Variants in DZANK1 observed in about 807,000 individuals in gnomAD.
The protein encoded by DZANK1 is double zinc ribbon and ankyrin repeat domains 1, also known as double zinc ribbon and ankyrin repeat-containing protein 1.
DZANK1 carries 91 observed loss-of-function variants against 94.5 expected under a neutral mutation model. That is an observed-to-expected ratio of 0.96 (90% CI 0.81 to 1.15). The LOEUF (loss-of-function observed/expected upper bound fraction) is 1.15, where lower values mean the gene tolerates loss of function less well. Among genes scored for constraint, DZANK1 ranks in the 50% most tolerant of loss-of-function variants. DZANK1 has a pLI of 0.00. For missense variants in DZANK1, 903 were observed against 916.4 expected, an observed-to-expected ratio of 0.99 and a Z score of 0.19; for synonymous variants, 312 against 325.3, an observed-to-expected ratio of 0.96 and a Z score of 0.44.
chr20:18,419,162 T>A (rs935640480), intron 10 of DZANK1, among the ~76,000 whole-genome samples: 1 of 149,808 alleles, frequency 6.7e-6, no homozygotes, highest in African/African-American at 2.5e-5. Flanking sequence ...CTCGGGAGGG[T>A]GAGGCAGGAG....
exon 19 of DZANK1, chr20:18,389,786 T>G: frequency 6.2e-7 from 1 of 1,614,014 alleles, no homozygotes. Context: ...GCCACGGTTA[T>G]GACGGGTCGA....
At chr20:18,388,122 C>A (rs1003844579) in intron 19 of DZANK1, among the ~76,000 whole-genome samples, 1 of 152,172 alleles carries the variant, frequency 6.6e-6, no homozygotes, top group Non-Finnish European at 1.5e-5. Flanking sequence ...CTTTCCTCTA[C>A]TGGCATGCAC....
chr20:18,435,110 G>A (rs1309696650), intron 8 of DZANK1, among the ~76,000 whole-genome samples: 3 of 152,130 alleles, frequency 2.0e-5, no homozygotes, highest in Non-Finnish European at 2.9e-5. Flanking sequence ...AAGAGAGCTC[G>A]GCATAGAGTA....
At chr20:18,384,118 G>T in exon 21 of DZANK1, 2 of 221,342 alleles carry the variant, frequency 9.0e-6, no homozygotes, top group East Asian at 1.0e-4. Flanking sequence ...GGAGTGCGAT[G>T]GCGCGATCTT....
chr20:18,430,384 T>A (rs1454442238), intron 9 of DZANK1, among the ~76,000 whole-genome samples: 1 of 152,194 alleles, frequency 6.6e-6, no homozygotes, highest in Non-Finnish European at 1.5e-5. Flanking sequence ...ACCATAAACA[T>A]GACTGAAGTC....
exon 13 of DZANK1, chr20:18,412,766 G>C: frequency 1.9e-6 from 3 of 1,613,904 alleles, no homozygotes; most frequent in Non-Finnish European, 1.7e-6. Context: ...GGGTAGAAGA[G>C]GCCAACAGTC....
At chr20:18,427,186 T>C (rs1205800714) in intron 9 of DZANK1, 27 bp from the exon 10 acceptor site, 8 of 1,567,990 alleles carry the variant, frequency 5.1e-6, no homozygotes, top group South Asian at 2.2e-5. Flanking sequence ...AAGACATACA[T>C]GTTCCTCTGA....
At chr20:18,456,200 T>G (rs1006775443) in intron 3 of DZANK1, among the ~76,000 whole-genome samples, 2 of 152,212 alleles carry the variant, frequency 1.3e-5, no homozygotes, top group African/African-American at 4.8e-5. Flanking sequence ...CTGTCTCAGC[T>G]GTAGACAGTG....
At chr20:18,444,826 A>T (rs1207379513) in intron 7 of DZANK1, among the ~76,000 whole-genome samples, 1 of 152,156 alleles carries the variant, frequency 6.6e-6, no homozygotes, top group Non-Finnish European at 1.5e-5. Context: ...TTAGAGACGG[A>T]GTCTTGCTCT....
intron 13 of DZANK1, among the ~76,000 whole-genome samples, chr20:18,405,532 G>A (rs76855478): frequency 0.028 from 4,290 of 152,164 alleles, 191 homozygotes; most frequent in African/African-American, 0.097. Context: ...AAATGGGACA[G>A]AAAAAAATAT....
At chr20:18,425,687 G>T (rs2058008457) in intron 10 of DZANK1, among the ~76,000 whole-genome samples, 1 of 152,192 alleles carries the variant, frequency 6.6e-6, no homozygotes, top group Non-Finnish European at 1.5e-5. Flanking sequence ...CTGTACAGAG[G>T]TAATCAAGTT....
chr20:18,410,204 T>C lies in DZANK1; in HGVS notation c.1432+2442A>G, dbSNP rs150654687. On this transcript the variant is annotated intron_variant, in intron 13 of 20. Coordinates refer to ENST00000262547, the Ensembl canonical transcript of DZANK1. ...TTAAAAGACATCATGTTATAACTAATAATTGTAACAGTGTTTTGAGAGTTT... is the reference window on the plus strand; with the variant it reads ...TTAAAAGACATCATGTTATAACTAACAATTGTAACAGTGTTTTGAGAGTTT... Among the ~76,000 whole-genome samples, 523 of 152,260 alleles carry C rather than the reference T, an allele frequency of 3.4e-3. 3 individuals are homozygous for C. Among genetic ancestry groups the C allele is most frequent in the African/African-American group, 5.1e-3 (211 of 41,556 alleles).
Position 18,414,959 on chromosome 20 carries a change from TAGAG to T in DZANK1, c.1077+364_1077+367del, listed in dbSNP as rs938662205. On this transcript the variant is annotated intron_variant, in intron 11 of 20. Transcript: ENST00000262547. ...CTTCTGAGAGGAGAACTGTGGGACTTAGAGAGAGAGGAGACTAACCCTTCACTCT... is the reference window on the plus strand; with the variant it reads ...CTTCTGAGAGGAGAACTGTGGGACTTAGAGAGGAGACTAACCCTTCACTCT... 5.3e-5 allele frequency among the ~76,000 whole-genome samples: 8 copies of T among 152,286 alleles called. No individual in the cohort carries two copies. The South Asian group carries it at 1.0e-3, about 20-fold the overall frequency.
intron 14 of DZANK1, among the ~76,000 whole-genome samples, chr20:18,397,496 G>A (rs935549546): frequency 6.6e-6 from 1 of 151,644 alleles, no homozygotes; most frequent in Non-Finnish European, 1.5e-5. Flanking sequence ...GTGTAGTCTT[G>A]GGCAGGTCAC....
chr20:18,411,850 TG>T (rs748812777), intron 13 of DZANK1, among the ~76,000 whole-genome samples: 2 of 152,294 alleles, frequency 1.3e-5, no homozygotes, highest in Non-Finnish European at 2.9e-5. Context: ...GTTAGGTGTC[TG>T]GGGAGGGCCT....
chr20:18,385,296 T>G (rs1041258846), intron 19 of DZANK1, among the ~76,000 whole-genome samples: 2 of 151,958 alleles, frequency 1.3e-5, no homozygotes, highest in African/African-American at 4.8e-5. Flanking sequence ...GCAAAGGTTA[T>G]AAACACATTC....
intron 13 of DZANK1, among the ~76,000 whole-genome samples, chr20:18,399,122 T>A (rs2056525550): frequency 8.7e-6 from 1 of 115,476 alleles, no homozygotes; most frequent in Non-Finnish European, 1.9e-5. Flanking sequence ...CAAGACTACA[T>A]CTCAAAAAAA....
At chr20:18,456,539 T>C (rs1465276351) in intron 3 of DZANK1, among the ~76,000 whole-genome samples, 1 of 152,224 alleles carries the variant, frequency 6.6e-6, no homozygotes, top group Non-Finnish European at 1.5e-5. Context: ...GACATTTCCA[T>C]CACCCAAAAG....
At chr20:18,391,235 A>T (rs934768507) in intron 17 of DZANK1, among the ~76,000 whole-genome samples, 1 of 151,898 alleles carries the variant, frequency 6.6e-6, no homozygotes, top group Non-Finnish European at 1.5e-5. Flanking sequence ...CAATTTCAAG[A>T]TCTTTTTTTT....
Sources: allele counts gnomAD v4.1 joint callset (sites outside exome capture counted in the v4.1 genomes callset), GRCh38; gene constraint gnomAD v4.1.1; transcripts MANE v1.5; gene names NCBI Gene and HGNC (gene_info 2026-07-23, HGNC 2026-07-21).